HMGCLL1: variants seen among roughly 807,000 people sequenced by gnomAD.
The protein encoded by HMGCLL1 is 3-hydroxy-3-methylglutaryl-CoA lyase like 1, also known as 3-hydroxymethyl-3-methylglutaryl-CoA lyase, cytoplasmic.
In HMGCLL1, 36 loss-of-function variants were observed where a neutral mutation model predicts 39.1. The observed-to-expected ratio is 0.92, with a 90% CI of 0.71 to 1.22. The LOEUF (loss-of-function observed/expected upper bound fraction) is 1.22. HMGCLL1 is among the 50% of genes most tolerant of loss of function. HMGCLL1 has a pLI of 0.00. For missense variants in HMGCLL1, 451 were observed against 416.5 expected, an observed-to-expected ratio of 1.08 and a Z score of -0.72; for synonymous variants, 149 against 144.0, an observed-to-expected ratio of 1.03 and a Z score of -0.25.
intron 1 of HMGCLL1, among the ~76,000 whole-genome samples, chr6:55,576,793 T>C (rs1354123862): frequency 6.6e-6 from 1 of 152,216 alleles, no homozygotes; most frequent in East Asian, 1.9e-4. Flanking sequence ...GAATAAATTA[T>C]ACTGGCATTC....
intron 7 of HMGCLL1, among the ~76,000 whole-genome samples, chr6:55,453,339 T>G (rs1764183947): frequency 6.6e-6 from 1 of 152,112 alleles, no homozygotes; most frequent in Non-Finnish European, 1.5e-5. Flanking sequence ...CCACCACGTC[T>G]GGCTAATTTT....
chr6:55,445,060 TAA>T (rs1285380718), intron 7 of HMGCLL1, among the ~76,000 whole-genome samples: 2 of 152,012 alleles, frequency 1.3e-5, no homozygotes, highest in Non-Finnish European at 2.9e-5. Flanking sequence ...TAAGCAATTT[TAA>T]AGAGTTTATT....
chr6:55,657,351 T>C, the HMGCLL1 span, among the ~76,000 whole-genome samples: 1 of 152,012 alleles, frequency 6.6e-6, no homozygotes, highest in South Asian at 2.1e-4. Context: ...ATTTAATCTA[T>C]CTTGAGTTAT....
the HMGCLL1 span, among the ~76,000 whole-genome samples, chr6:55,643,154 C>A: frequency 2.0e-5 from 3 of 151,998 alleles, no homozygotes; most frequent in Non-Finnish European, 4.4e-5. Flanking sequence ...TAGGTATATA[C>A]CCAGTAAAGG....
chr6:55,581,421 A>G (rs1771984744), upstream of HMGCLL1, among the ~76,000 whole-genome samples: 1 of 152,150 alleles, frequency 6.6e-6, no homozygotes, highest in African/African-American at 2.4e-5. Context: ...ATATCTTAAG[A>G]ATGTTTAATC....
chr6:55,519,159 T>C (rs1002688884), intron 3 of HMGCLL1, among the ~76,000 whole-genome samples: 1 of 152,018 alleles, frequency 6.6e-6, no homozygotes, highest in Admixed American at 6.6e-5. Context: ...TAGAAAGCCA[T>C]GGAGAATGGG....
At chr6:55,491,024 C>G (rs890648941) in intron 7 of HMGCLL1, among the ~76,000 whole-genome samples, 1 of 152,078 alleles carries the variant, frequency 6.6e-6, no homozygotes, top group African/African-American at 2.4e-5. Context: ...GAAAATCCAA[C>G]AGTCCAACCA....
intron 4 of HMGCLL1, among the ~76,000 whole-genome samples, chr6:55,515,710 A>G (rs1164393231): frequency 2.0e-5 from 3 of 152,148 alleles, no homozygotes; most frequent in Non-Finnish European, 1.5e-5. Context: ...AGATGACACC[A>G]ATATTTATAA....
chr6:55,460,991 G>T (rs1003601881), intron 7 of HMGCLL1, among the ~76,000 whole-genome samples: 1 of 151,830 alleles, frequency 6.6e-6, no homozygotes, highest in Non-Finnish European at 1.5e-5. Context: ...TTCATGAAAA[G>T]CAACTTAATG....
At chr6:55,552,867 C>T (rs1338586711) in intron 1 of HMGCLL1, among the ~76,000 whole-genome samples, 5 of 151,804 alleles carry the variant, frequency 3.3e-5, no homozygotes, top group African/African-American at 1.2e-4. Context: ...ATATGCCGGG[C>T]GTGGTGGCTC....
intron 3 of HMGCLL1, among the ~76,000 whole-genome samples, chr6:55,536,347 G>A (rs1286375026): frequency 6.6e-6 from 1 of 152,042 alleles, no homozygotes; most frequent in Non-Finnish European, 1.5e-5. Context: ...ATACATAAAT[G>A]TACAATGTTA....
the HMGCLL1 span, among the ~76,000 whole-genome samples, chr6:55,627,531 T>C: frequency 2.0e-5 from 3 of 151,960 alleles, no homozygotes; most frequent in East Asian, 1.9e-4. Context: ...GTCAACTTCA[T>C]TGGATTGAAG....
chr6:55,450,818 G>C (rs1394922369), intron 7 of HMGCLL1, among the ~76,000 whole-genome samples: 2 of 152,134 alleles, frequency 1.3e-5, no homozygotes, highest in East Asian at 1.9e-4. Context: ...AAGGAGGTGA[G>C]CCAGGAAATA....
At chr6:55,639,798 G>T in the HMGCLL1 span, among the ~76,000 whole-genome samples, 1 of 152,086 alleles carries the variant, frequency 6.6e-6, no homozygotes, top group Non-Finnish European at 1.5e-5. Flanking sequence ...AGAAACGTGG[G>T]CCAGGCACAG....
intron 5 of HMGCLL1, among the ~76,000 whole-genome samples, chr6:55,509,351 G>A (rs1767322085): frequency 1.3e-5 from 2 of 151,780 alleles, no homozygotes; most frequent in African/African-American, 2.4e-5. Context: ...CATAAGAAAT[G>A]CTAGCTACTA....
chr6:55,502,420 A>C (rs981100856), intron 5 of HMGCLL1, among the ~76,000 whole-genome samples: 1 of 151,792 alleles, frequency 6.6e-6, no homozygotes, highest in Non-Finnish European at 1.5e-5. Flanking sequence ...TACCTTTTCA[A>C]ACATATTTCT....
chr6:55,524,050 A>G (rs374004387), intron 3 of HMGCLL1, among the ~76,000 whole-genome samples: 49 of 152,106 alleles, frequency 3.2e-4, no homozygotes, highest in Admixed American at 1.2e-3. Flanking sequence ...AATAAAGACT[A>G]TATCTGCGTA....
chr6:55,579,222 G>A (rs1771925512), upstream of HMGCLL1: 2 of 614,178 alleles, frequency 3.3e-6, no homozygotes, highest in East Asian at 2.8e-5. Context: ...AGGGCGGGGA[G>A]TGGGGCGTGG....
intron 7 of HMGCLL1, among the ~76,000 whole-genome samples, chr6:55,477,170 A>AATATAATATATAAAATATATT (rs1765348579): frequency 2.2e-5 from 1 of 45,506 alleles, no homozygotes; most frequent in African/African-American, 1.1e-4. Flanking sequence ...TTATAATATA[A>AATATAATATATAAAATATATT]TATATATTAT....
Sources: allele counts gnomAD v4.1 joint callset (sites outside exome capture counted in the v4.1 genomes callset), GRCh38; gene constraint gnomAD v4.1.1; transcripts MANE v1.5; gene names NCBI Gene and HGNC (gene_info 2026-07-23, HGNC 2026-07-21).